Variants in RALGAPA1 observed in about 807,000 individuals in gnomAD.
RALGAPA1 encodes ral GTPase-activating protein subunit alpha-1.
RALGAPA1 carries 52 observed loss-of-function variants against 269.6 expected under a neutral mutation model. The observed-to-expected ratio is 0.19, with a 90% CI of 0.15 to 0.24. RALGAPA1 has a LOEUF of 0.24. Ranked by LOEUF, RALGAPA1 falls within the 10% of genes least tolerant of loss-of-function variation. The pLI is 1.00. For synonymous variants in RALGAPA1, 817 were observed against 1,008.3 expected, an observed-to-expected ratio of 0.81 and a Z score of 3.60; for missense variants, 1,917 against 3,013.9, an observed-to-expected ratio of 0.64 and a Z score of 8.52.
chr14:35,720,688 AGG>A (rs2069323476), intron 16 of RALGAPA1, among the ~76,000 whole-genome samples: 1 of 152,234 alleles, frequency 6.6e-6, no homozygotes, highest in Admixed American at 6.5e-5. Flanking sequence ...GCACTTTGAG[AGG>A]CCAAAGTGGG....
intron 22 of RALGAPA1, among the ~76,000 whole-genome samples, chr14:35,675,206 T>C (rs2064837594): frequency 6.6e-6 from 1 of 152,122 alleles, no homozygotes; most frequent in Non-Finnish European, 1.5e-5. Context: ...GATGGAGTCT[T>C]GCACTCTCTC....
At chr14:35,768,540 A>T (rs1415191474) in intron 4 of RALGAPA1, among the ~76,000 whole-genome samples, 2 of 152,036 alleles carry the variant, frequency 1.3e-5, no homozygotes, top group Non-Finnish European at 2.9e-5. Flanking sequence ...AAATAATTTT[A>T]AAAAGTGAGC....
At chr14:35,745,092 T>C (rs1395264903) in intron 10 of RALGAPA1, among the ~76,000 whole-genome samples, 2 of 152,186 alleles carry the variant, frequency 1.3e-5, no homozygotes, top group Admixed American at 1.3e-4. Flanking sequence ...ACATGCTAAA[T>C]ATGAATTGTG....
At chr14:35,733,813 G>C (rs2070727848) in intron 12 of RALGAPA1, among the ~76,000 whole-genome samples, 1 of 151,980 alleles carries the variant, frequency 6.6e-6, no homozygotes, top group South Asian at 2.1e-4. Context: ...AAAATTGATA[G>C]ACCCTTAGAA....
Position 35,808,976 on chromosome 14 carries a change from C to A in RALGAPA1, c.-141G>T. On this transcript the variant is annotated 5_prime_UTR_variant, in exon 1 of 42. Coordinates refer to ENST00000680220, the MANE Select transcript of RALGAPA1 (RefSeq NM_001346249.2). ...CCAGCCTTGCGGGCCAGGGCAGAGC[C>A]GACTCCTTCCCGATCCAGGCCAGGG... 7.0e-7 allele frequency: 1 copy of A among 1,429,566 alleles called. No homozygotes were observed. Among genetic ancestry groups the A allele is most frequent in the South Asian group, 1.5e-5 (1 of 68,514 alleles). The allele number at this position is 1,429,566 out of a possible 1,614,324, so 88.6% of individuals were successfully genotyped here.
At position 35,650,858 on chromosome 14, in the gene RALGAPA1, CCTTGTCT is replaced by C. The variant is rs1194136878; in HGVS notation, c.5676+940_5676+946del. On this transcript the variant is annotated intron_variant, in intron 31 of 41. Transcript: ENST00000680220. ...CAGCCTTGTCTAACAGAACTTTGTGCCTTGTCTAACAGAACTTTGTGCAATGATGAAA... is the reference window on the plus strand; with the variant it reads ...CAGCCTTGTCTAACAGAACTTTGTGCAACAGAACTTTGTGCAATGATGAAA... Among the ~76,000 whole-genome samples, 13 of 152,160 alleles carry C rather than the reference CCTTGTCT, an allele frequency of 8.5e-5. No homozygotes were observed. In the East Asian group the frequency reaches 1.4e-3, roughly 16 times the overall value.
chr14:35,800,860 C>T (rs552168182), intron 1 of RALGAPA1, among the ~76,000 whole-genome samples: 1 of 151,980 alleles, frequency 6.6e-6, no homozygotes, highest in Non-Finnish European at 1.5e-5. Context: ...CAAAAATTAG[C>T]CAGGCGGGGT....
chr14:35,745,632 C>T (rs139577631), intron 10 of RALGAPA1, among the ~76,000 whole-genome samples: 32 of 151,800 alleles, frequency 2.1e-4, no homozygotes, highest in African/African-American at 6.3e-4. Context: ...GGCATGGTGG[C>T]GCATGCCTGT....
chr14:35,572,368 T>C (rs909131919), intron 38 of RALGAPA1, among the ~76,000 whole-genome samples, 192 bp downstream of exon 38: 1 of 152,218 alleles, frequency 6.6e-6, no homozygotes, highest in African/African-American at 2.4e-5. Context: ...AGTTTCTTGC[T>C]ATTTATTCTG....
chr14:35,654,611 C>G, intron 29 of RALGAPA1, 134 bp from the exon 30 acceptor site: 1 of 1,072,770 alleles, frequency 9.3e-7, no homozygotes, highest in Non-Finnish European at 1.3e-6. Flanking sequence ...TAAGATAAAT[C>G]TCTAGCTGCA....
intron 1 of RALGAPA1, among the ~76,000 whole-genome samples, chr14:35,797,054 T>C (rs893852332): frequency 6.6e-6 from 1 of 151,976 alleles, no homozygotes; most frequent in Non-Finnish European, 1.5e-5. Context: ...CCCGAAAGTA[T>C]CTTTAAAAAA....
intron 37 of RALGAPA1, among the ~76,000 whole-genome samples, chr14:35,587,228 A>G (rs2138841736): frequency 6.6e-6 from 1 of 152,320 alleles, no homozygotes; most frequent in South Asian, 2.1e-4. Context: ...CATTTCTTCT[A>G]GATTTTCTAG....
At position 35,645,185 on chromosome 14, in the gene RALGAPA1, T is replaced by C. The variant is rs1000201133; in HGVS notation, c.5676+6620A>G. Among the ~76,000 whole-genome samples, 10 of 152,222 alleles carry C rather than the reference T, an allele frequency of 6.6e-5. No homozygotes were observed. In the South Asian group the frequency reaches 1.9e-3, roughly 28 times the overall value. On this transcript the variant is annotated intron_variant, in intron 31 of 41. Coordinates refer to ENST00000680220, the MANE Select transcript of RALGAPA1 (RefSeq NM_001346249.2). ...ACGGTGGATATTAGTTCATCTCTCT[T>C]CTTATAAGGGCACTAATCCCATTGA...
intron 1 of RALGAPA1, among the ~76,000 whole-genome samples, chr14:35,776,969 C>T (rs952561353): frequency 6.6e-6 from 1 of 151,670 alleles, no homozygotes; most frequent in Non-Finnish European, 1.5e-5. Context: ...GATTGGAGAA[C>T]TGTAGTTTCT....
chr14:35,628,668 A>T (rs141051158), intron 33 of RALGAPA1, among the ~76,000 whole-genome samples: 42 of 152,332 alleles, frequency 2.8e-4, no homozygotes, highest in African/African-American at 9.1e-4. Flanking sequence ...GGGAATCAGA[A>T]TAAATTTAAA....
chr14:35,789,590 T>G, intron 1 of RALGAPA1, among the ~76,000 whole-genome samples: 1 of 150,388 alleles, frequency 6.6e-6, no homozygotes, highest in South Asian at 2.2e-4. Context: ...AGACCCTGTC[T>G]CAAAAAAAAA....
At chr14:35,639,773 A>G (rs1566895788) in intron 31 of RALGAPA1, among the ~76,000 whole-genome samples, 2 of 151,958 alleles carry the variant, frequency 1.3e-5, no homozygotes, top group South Asian at 2.1e-4. Flanking sequence ...CCCCGTCTCT[A>G]CTAAAAATAC....
intron 28 of RALGAPA1, 70 bp downstream of exon 28, chr14:35,659,067 TA>T: frequency 8.8e-7 from 1 of 1,142,790 alleles, no homozygotes; most frequent in Non-Finnish European, 1.2e-6. Flanking sequence ...TGGGCTGCTA[TA>T]AAAATTCAGT....
At chr14:35,546,831 G>C (rs1196667932) in intron 41 of RALGAPA1, among the ~76,000 whole-genome samples, 1 of 151,938 alleles carries the variant, frequency 6.6e-6, no homozygotes, top group African/African-American at 2.4e-5. Context: ...ACTTTAAAGG[G>C]AGCTCTATAT....
Sources: gnomAD v4.1 joint callset for allele counts (sites outside exome capture counted in the v4.1 genomes callset) on GRCh38, gnomAD v4.1.1 for gene constraint, MANE v1.5 for transcripts, NCBI Gene and HGNC (gene_info 2026-07-23, HGNC 2026-07-21) for gene names.